The following FUT9 variants were observed in gnomAD, a reference collection of about 807,000 sequenced individuals.
FUT9 encodes fucosyltransferase 9, also known as 4-galactosyl-N-acetylglucosaminide 3-alpha-L-fucosyltransferase 9.
Under a neutral mutation model 29.7 loss-of-function variants are expected in FUT9, and 15 were observed. The observed-to-expected ratio is 0.51, with a 90% CI of 0.34 to 0.78. The LOEUF is 0.78. Among genes scored for constraint, FUT9 ranks in the 30% least tolerant of loss-of-function variants. The pLI is 0.01. For synonymous variants in FUT9, 169 were observed against 153.7 expected, an observed-to-expected ratio of 1.10 and a Z score of -0.74; for missense variants, 319 against 425.4, an observed-to-expected ratio of 0.75 and a Z score of 2.20.
intron 2 of FUT9, among the ~76,000 whole-genome samples, chr6:96,168,738 A>T (rs1411535785): frequency 6.6e-6 from 1 of 152,182 alleles, no homozygotes; most frequent in African/African-American, 2.4e-5. Flanking sequence ...GATGGCAGGG[A>T]AGTGGAGTCA....
chr6:96,102,388 T>C (rs1400629797), intron 1 of FUT9, among the ~76,000 whole-genome samples: 1 of 152,150 alleles, frequency 6.6e-6, no homozygotes, highest in Non-Finnish European at 1.5e-5. Context: ...AATAATTATG[T>C]TTTGTTTTTA....
At chr6:96,164,359 C>T (rs1046254559) in intron 2 of FUT9, among the ~76,000 whole-genome samples, 6 of 149,384 alleles carry the variant, frequency 4.0e-5, no homozygotes, top group Non-Finnish European at 5.9e-5. Context: ...CCTGGGTTCA[C>T]GCCATTCTCC....
chr6:96,177,251 TC>T (rs553392587), intron 2 of FUT9, among the ~76,000 whole-genome samples: 175 of 152,280 alleles, frequency 1.1e-3, no homozygotes, highest in Non-Finnish European at 1.3e-3. Context: ...CAGTCTTCTT[TC>T]TCTTCTTAGT....
intron 2 of FUT9, among the ~76,000 whole-genome samples, chr6:96,149,889 A>G (rs1772644296): frequency 6.6e-6 from 1 of 152,136 alleles, no homozygotes; most frequent in Admixed American, 6.5e-5. Context: ...GAAATATACA[A>G]TAAGTTATTG....
intron 1 of FUT9, among the ~76,000 whole-genome samples, chr6:96,097,334 T>A (rs1333773088): frequency 1.3e-5 from 2 of 152,174 alleles, no homozygotes; most frequent in Admixed American, 6.6e-5. Context: ...GGTTGTGTGC[T>A]CTCTTCCAAT....
At chr6:96,085,169 C>T (rs1377175070) in intron 1 of FUT9, among the ~76,000 whole-genome samples, 1 of 152,152 alleles carries the variant, frequency 6.6e-6, no homozygotes, top group Non-Finnish European at 1.5e-5. Context: ...ATGTACAGGG[C>T]ACTATTTCTG....
In FUT9 at chr6:96,208,228, T is replaced by G. The variant is rs1197708025; in HGVS notation, c.*3993T>G. 6.0e-6 allele frequency: 1 copy of G among 166,392 alleles called. No individual in the cohort carries two copies. The highest frequency in any genetic ancestry group is 1.5e-5 in the Non-Finnish European group (1 of 67,880). The allele number at this position is 166,392 out of a possible 1,614,324, so 10.3% of individuals were successfully genotyped here. On this transcript the variant is annotated 3_prime_UTR_variant, in exon 3 of 3. Coordinates refer to ENST00000302103, the MANE Select transcript of FUT9 (RefSeq NM_006581.4). ...GCCTCTGATATTTTTTTTGTCAGCC[T>G]ATTTTTAAACTAGATTCCATGAGTC...
chr6:96,147,240 C>T (rs1410381217), intron 2 of FUT9, among the ~76,000 whole-genome samples: 1 of 146,664 alleles, frequency 6.8e-6, no homozygotes, highest in Admixed American at 6.7e-5. Flanking sequence ...CGGCTCACTG[C>T]AACCTCCACC....
chr6:96,073,853 C>A (rs566186729), intron 1 of FUT9, among the ~76,000 whole-genome samples: 4 of 152,182 alleles, frequency 2.6e-5, no homozygotes, highest in Non-Finnish European at 5.9e-5. Context: ...CATCTGTCAT[C>A]TGTGGAATGA....
intron 2 of FUT9, among the ~76,000 whole-genome samples, chr6:96,117,295 AGAAGT>A (rs1771929937): frequency 6.6e-6 from 1 of 152,226 alleles, no homozygotes. Flanking sequence ...TGCTAGAGAA[AGAAGT>A]TATAATCAGC....
At chr6:96,193,098 C>A (rs1392155457) in intron 2 of FUT9, among the ~76,000 whole-genome samples, 1 of 150,324 alleles carries the variant, frequency 6.7e-6, no homozygotes, top group Admixed American at 6.7e-5. Flanking sequence ...ACCATAAAAA[C>A]CCTAGAAGAA....
intron 2 of FUT9, among the ~76,000 whole-genome samples, chr6:96,178,978 C>A (rs12524828): frequency 0.06 from 9,057 of 151,920 alleles, 388 homozygotes; most frequent in Non-Finnish European, 0.095. Flanking sequence ...CAAAAAAAAA[C>A]ACCTTTTGTA....
intron 2 of FUT9, among the ~76,000 whole-genome samples, chr6:96,178,483 A>G (rs1773245791): frequency 6.6e-6 from 1 of 152,164 alleles, no homozygotes; most frequent in Non-Finnish European, 1.5e-5. Context: ...ATAAGGCTAT[A>G]AGACTAGATG....
chr6:96,117,796 G>A (rs1230191924), intron 2 of FUT9, among the ~76,000 whole-genome samples: 1 of 152,088 alleles, frequency 6.6e-6, no homozygotes, highest in African/African-American at 2.4e-5. Flanking sequence ...AAATAATCAA[G>A]CTCTTTCTCT....
intron 1 of FUT9, among the ~76,000 whole-genome samples, chr6:96,055,386 G>GTTTT (rs35208471): frequency 2.8e-4 from 42 of 149,286 alleles, no homozygotes; most frequent in East Asian, 1.8e-3. Flanking sequence ...TTTGGGGTTT[G>GTTTT]TTTTTTTTCT....
chr6:96,140,563 G>A (rs935694421), intron 2 of FUT9, among the ~76,000 whole-genome samples: 4 of 152,126 alleles, frequency 2.6e-5, no homozygotes, highest in Non-Finnish European at 5.9e-5. Context: ...AAGAAAAAGA[G>A]GTTTAATTGA....
intron 2 of FUT9, among the ~76,000 whole-genome samples, chr6:96,201,231 A>G (rs1401228522): frequency 1.3e-5 from 2 of 151,968 alleles, no homozygotes; most frequent in Non-Finnish European, 2.9e-5. Context: ...TTTCACAAAT[A>G]TTGGTATTTC....
intron 2 of FUT9, among the ~76,000 whole-genome samples, chr6:96,185,227 C>T (rs1458313616): frequency 1.3e-5 from 2 of 151,808 alleles, no homozygotes; most frequent in Non-Finnish European, 2.9e-5. Context: ...TGGAGGAAAG[C>T]AAGACCAACA....
At chr6:96,122,386 C>A (rs1044962286) in intron 2 of FUT9, among the ~76,000 whole-genome samples, 2 of 152,130 alleles carry the variant, frequency 1.3e-5, no homozygotes, top group African/African-American at 4.8e-5. Flanking sequence ...GCAGAAACTA[C>A]ACTTTAGGTT....
Sources: gnomAD v4.1 joint callset for allele counts (sites outside exome capture counted in the v4.1 genomes callset) on GRCh38, gnomAD v4.1.1 for gene constraint, MANE v1.5 for transcripts, NCBI Gene and HGNC (gene_info 2026-07-23, HGNC 2026-07-21) for gene names.